MBNL3: variants seen among roughly 807,000 people sequenced by gnomAD.
MBNL3 encodes the protein muscleblind like splicing regulator 3, also known as muscleblind-like protein 3.
In MBNL3, 6 loss-of-function variants were observed where a neutral mutation model predicts 24.5. The observed-to-expected ratio is 0.25, with a 90% CI of 0.13 to 0.48. The LOEUF is 0.48. Among genes scored for constraint, MBNL3 ranks in the 20% least tolerant of loss-of-function variants. MBNL3 has a pLI of 0.99. For missense variants in MBNL3, 230 were observed against 293.5 expected (o/e 0.78, Z 1.58); for synonymous variants, 100 against 101.7 (o/e 0.98, Z 0.10).
intron 1 of MBNL3, among the ~76,000 whole-genome samples, chrX:132,455,863 T>C (rs1378429848): frequency 1.8e-5 from 2 of 112,111 alleles, no homozygotes; most frequent in African/African-American, 6.5e-5. Flanking sequence ...CATTGACCTC[T>C]GTGGGCCTGT....
At chrX:132,463,190 C>T (rs1044079319) in intron 1 of MBNL3, among the ~76,000 whole-genome samples, 4 of 112,263 alleles carry the variant, frequency 3.6e-5, no homozygotes, top group Non-Finnish European at 7.5e-5. Context: ...GGCGGGGCGC[C>T]GTGGCTCATG....
rs773178867 is a variant in MBNL3, at chrX:132,427,273, G to A, written c.177+12162C>T. Among the ~76,000 whole-genome samples, 6 of 111,814 alleles carry A rather than the reference G, an allele frequency of 5.4e-5. No individual in the cohort carries two copies. The East Asian group carries it at 1.7e-3, about 31-fold the overall frequency. On this transcript the variant is annotated intron_variant, in intron 2 of 8. Coordinates refer to ENST00000370853, the MANE Select transcript of MBNL3 (RefSeq NM_001386889.1). ...ATTCCAAAGTCAAATTCTTCCTACA[G>A]TGGGGTACTGGGAGATTAAAGATGG...
chrX:132,379,804 A>G, intron 8 of MBNL3, 127 bp from the exon 9 acceptor site: 3 of 488,572 alleles, frequency 6.1e-6, no homozygotes, highest in Non-Finnish European at 1.0e-5. Flanking sequence ...AATATCCCCA[A>G]TCTGAATTTC....
chrX:132,470,918 A>G lies in MBNL3; in HGVS notation c.-704+17933T>C, dbSNP rs1947146845. On this transcript the variant is annotated intron_variant, in intron 1 of 8. Coordinates refer to ENST00000370853, the MANE Select transcript of MBNL3 (RefSeq NM_001386889.1). ...TTTTTTATATTTCCATAATATAACC[A>G]TGGGGATTATAGGCATAGACCAATG... is the stretch of plus-strand genomic sequence containing the variant. Among the ~76,000 whole-genome samples the G allele has an allele frequency of 5.4e-5, 6 of 111,543 alleles. No individual in the cohort carries two copies. In the Admixed American group the frequency reaches 5.7e-4, roughly 11 times the overall value.
intron 2 of MBNL3, chrX:132,431,549 A>G (rs1414605713): frequency 8.9e-6 from 1 of 111,870 alleles, no homozygotes; most frequent in Admixed American, 9.5e-5. Context: ...AAAAGACATT[A>G]CAGCCTCATC....
chrX:132,489,950 C>A (rs1284993705), upstream of MBNL3: 1 of 112,441 alleles, frequency 8.9e-6, no homozygotes, highest in Admixed American at 9.2e-5. Context: ...CGCTGCGGCT[C>A]ACGCTCGGAG....
chrX:132,460,857 G>A (rs908310001), intron 1 of MBNL3, among the ~76,000 whole-genome samples: 12 of 110,032 alleles, frequency 1.1e-4, no homozygotes, highest in Admixed American at 3.9e-4. Flanking sequence ...CCTCACTCTC[G>A]CCTCTCAATC....
intron 1 of MBNL3, among the ~76,000 whole-genome samples, chrX:132,474,157 A>G (rs1947321590): frequency 9.0e-6 from 1 of 111,607 alleles, no homozygotes; most frequent in South Asian, 3.7e-4. Flanking sequence ...TCCATGAAAA[A>G]CTGAAGTTGT....
chrX:132,433,787 C>G (rs1386277280), intron 2 of MBNL3, among the ~76,000 whole-genome samples: 3 of 111,456 alleles, frequency 2.7e-5, no homozygotes, highest in East Asian at 2.9e-4. Context: ...CTGCCCTCCC[C>G]CTTCATGGCT....
intron 1 of MBNL3, among the ~76,000 whole-genome samples, chrX:132,456,392 C>T (rs1456920084): frequency 1.8e-5 from 2 of 112,160 alleles, no homozygotes; most frequent in East Asian, 5.6e-4. Context: ...TCATATGACG[C>T]ATTCTAAAGC....
intron 1 of MBNL3, among the ~76,000 whole-genome samples, chrX:132,482,497 C>A (rs1015319232): frequency 9.0e-6 from 1 of 111,168 alleles, no homozygotes; most frequent in Non-Finnish European, 1.9e-5. Context: ...GCGGGACCTA[C>A]CCTGAACTTA....
At chrX:132,406,715 TC>T (rs1209577039) in intron 2 of MBNL3, among the ~76,000 whole-genome samples, 1 of 111,941 alleles carries the variant, frequency 8.9e-6, no homozygotes, top group African/African-American at 3.2e-5. Context: ...GTATGTCAGT[TC>T]CGTGGAATCA....
At chrX:132,427,688 T>G (rs142144926) in intron 2 of MBNL3, among the ~76,000 whole-genome samples, 21 of 111,936 alleles carry the variant, frequency 1.9e-4, no homozygotes, top group African/African-American at 6.5e-4. Context: ...GATACTACAA[T>G]GTAATCTACT....
intron 1 of MBNL3, among the ~76,000 whole-genome samples, chrX:132,441,486 C>T (rs1376290691): frequency 8.9e-6 from 1 of 112,361 alleles, no homozygotes; most frequent in East Asian, 2.8e-4. Context: ...GGCCCTTCTG[C>T]ATCAAGTTAC....
chrX:132,483,246 T>C (rs771674707), intron 1 of MBNL3, among the ~76,000 whole-genome samples: 3 of 112,130 alleles, frequency 2.7e-5, no homozygotes, highest in African/African-American at 9.7e-5. Context: ...AGTGCCTACT[T>C]TTCAGAGGAC....
At chrX:132,427,833 G>C (rs1383992442) in intron 2 of MBNL3, among the ~76,000 whole-genome samples, 1 of 111,657 alleles carries the variant, frequency 9.0e-6, no homozygotes, top group African/African-American at 3.2e-5. Flanking sequence ...AATCATGGCT[G>C]ATACATAGGA....
chrX:132,432,426 A>G (rs186204147), intron 2 of MBNL3: 1 of 110,331 alleles, frequency 9.1e-6, no homozygotes, highest in Non-Finnish European at 1.9e-5. Context: ...CATTTTCATC[A>G]CCCTTAAAAA....
In MBNL3 at chrX:132,450,369, T is replaced by A. The variant is rs777472778; in HGVS notation, c.-703-10055A>T. ...TGGGGGCTTTGTTCGTTCCTTTTTA[T>A]TCTTTTTTCTCTAATCTTGTCTTCA... On this transcript the variant is annotated intron_variant, in intron 1 of 8. Transcript: ENST00000370853. 6.3e-5 allele frequency among the ~76,000 whole-genome samples: 7 copies of A among 111,650 alleles called. No individual in the cohort carries two copies. The East Asian group carries it at 2.0e-3, about 32-fold the overall frequency.
intron 2 of MBNL3, among the ~76,000 whole-genome samples, chrX:132,424,274 C>T (rs1302621829): frequency 8.9e-6 from 1 of 111,993 alleles, no homozygotes; most frequent in African/African-American, 3.2e-5. Flanking sequence ...GAAGATTATG[C>T]CATGGAAACT....
Sources: allele counts gnomAD v4.1 joint callset (sites outside exome capture counted in the v4.1 genomes callset), GRCh38; gene constraint gnomAD v4.1.1; transcripts MANE v1.5; gene names NCBI Gene and HGNC (gene_info 2026-07-23, HGNC 2026-07-21).